USP15: variants seen among roughly 807,000 people sequenced by gnomAD.
The protein encoded by USP15 is ubiquitin specific peptidase 15.
Under a neutral mutation model 127.1 loss-of-function variants are expected in USP15, and 18 were observed. The ratio of observed to expected loss-of-function variants is 0.14; its 90% CI spans 0.10 to 0.21. USP15 has a LOEUF of 0.21. Ranked by LOEUF, USP15 falls within the 10% of genes least tolerant of loss-of-function variation. The pLI is 1.00. For synonymous variants in USP15, 364 were observed against 393.7 expected, an observed-to-expected ratio of 0.92 and a Z score of 0.89; for missense variants, 805 against 1,159.9, an observed-to-expected ratio of 0.69 and a Z score of 4.44.
intron 6 of USP15, among the ~76,000 whole-genome samples, chr12:62,345,980 G>A (rs971006237): frequency 2.6e-5 from 4 of 152,156 alleles, no homozygotes; most frequent in Admixed American, 2.6e-4. Flanking sequence ...AAAGCTACAA[G>A]ATGAGATTTG....
At chr12:62,271,700 A>AT (rs201752085) in intron 1 of USP15, among the ~76,000 whole-genome samples, 3,816 of 152,054 alleles carry the variant, frequency 0.025, 81 homozygotes, top group Non-Finnish European at 0.04. Flanking sequence ...TCACGCTTAT[A>AT]TGTCACATAT....
At chr12:62,276,215 T>G (rs2137071424) in intron 1 of USP15, among the ~76,000 whole-genome samples, 1 of 152,254 alleles carries the variant, frequency 6.6e-6, no homozygotes. Flanking sequence ...ACTTCATAAC[T>G]TCTTTACAGG....
In USP15 at chr12:62,404,958, AGTTATTTCCCTTT is replaced by A. The variant is rs1416560206; in HGVS notation, c.*586_*598del. The A allele has an allele frequency of 6.6e-6, 1 of 152,106 alleles. No homozygotes were observed. Among genetic ancestry groups the A allele is most frequent in the Non-Finnish European group, 1.5e-5 (1 of 67,988 alleles). 9.4% of individuals were successfully genotyped at this position (152,106 alleles called of 1,614,324 possible). A position where few individuals can be genotyped will look rare whatever the true frequency, so the allele number is the denominator to read the frequency against. On this transcript the variant is annotated 3_prime_UTR_variant, in exon 22 of 22. Coordinates refer to ENST00000280377, the MANE Select transcript of USP15 (RefSeq NM_001252078.2). Reference sequence around the variant, plus strand: ...ATGATACAAGAAACAACCTTGGAAAAGTTATTTCCCTTTGTAATACCTTTAAAAATCCAGAGTA... The same window carrying A: ...ATGATACAAGAAACAACCTTGGAAAAGTAATACCTTTAAAAATCCAGAGTA...
chr12:62,375,691 A>G (rs2066805833), intron 8 of USP15, among the ~76,000 whole-genome samples: 1 of 152,182 alleles, frequency 6.6e-6, no homozygotes, highest in African/African-American at 2.4e-5. Flanking sequence ...TAAGAAAGGC[A>G]AGAGTGCATG....
chr12:62,289,739 T>TGTGTGTGTG (rs2063903172), intron 1 of USP15, among the ~76,000 whole-genome samples: 3 of 65,314 alleles, frequency 4.6e-5, no homozygotes, highest in South Asian at 5.3e-4. Flanking sequence ...GTGTGTGTGT[T>TGTGTGTGTG]TAGACAGCAG....
chr12:62,403,419 TAGTGA>T (rs1376534480), intron 21 of USP15, among the ~76,000 whole-genome samples: 2 of 152,054 alleles, frequency 1.3e-5, no homozygotes, highest in African/African-American at 4.8e-5. Flanking sequence ...GGAAAAGAAA[TAGTGA>T]AGCATTAAAT....
In USP15 at chr12:62,412,929, A is replaced by T. The variant is rs562766515; in HGVS notation, c.*8554A>T. The T allele has an allele frequency of 2.0e-5, 3 of 152,340 alleles. No homozygotes were observed. In the South Asian group the frequency reaches 6.2e-4, roughly 32 times the overall value. The allele number at this position is 152,340 out of a possible 1,614,324, so 9.4% of individuals were successfully genotyped here. ...AGCAAATCCTTTTCAGAAGGTTTTT[A>T]TTTTGCCCAGATCCATCAGAGGAAT... On this transcript the variant is annotated 3_prime_UTR_variant, in exon 22 of 22. Coordinates refer to ENST00000280377, the MANE Select transcript of USP15 (RefSeq NM_001252078.2).
Position 62,410,995 on chromosome 12 carries a change from G to A in USP15, c.*6620G>A, listed in dbSNP as rs1428557315. 13 of 152,012 alleles carry A rather than the reference G, an allele frequency of 8.6e-5. No individual in the cohort carries two copies. Among genetic ancestry groups the A allele is most frequent in the Non-Finnish European group, 2.9e-5 (2 of 68,022 alleles). The allele number at this position is 152,012 out of a possible 1,614,324, so 9.4% of individuals were successfully genotyped here. On this transcript the variant is annotated 3_prime_UTR_variant, in exon 22 of 22. Coordinates refer to ENST00000280377, the MANE Select transcript of USP15 (RefSeq NM_001252078.2). ...GACTGCATCCTCAACAGGCACCTTG[G>A]TTGCAACACCATGAAAGACCTTGAT...
Position 62,385,780 on chromosome 12 carries a change from A to T in USP15, c.1473+1478A>T, listed in dbSNP as rs149654364. 2.5e-3 allele frequency among the ~76,000 whole-genome samples: 378 copies of T among 152,204 alleles called. 1 individual carries two copies. Among genetic ancestry groups the T allele is most frequent in the Non-Finnish European group, 4.1e-3 (276 of 67,934 alleles). Reference sequence around the variant, plus strand: ...AGAAACTATAACAGTGCCAAACCACATCCTTACCTCTCTAGTTTATAACTT... The same window carrying T: ...AGAAACTATAACAGTGCCAAACCACTTCCTTACCTCTCTAGTTTATAACTT... On this transcript the variant is annotated intron_variant, in intron 11 of 21. Transcript: ENST00000280377.
At chr12:62,316,696 A>G (rs1445818207) in intron 4 of USP15, among the ~76,000 whole-genome samples, 1 of 152,108 alleles carries the variant, frequency 6.6e-6, no homozygotes, top group African/African-American at 2.4e-5. Context: ...ATATGAGACC[A>G]TCAGAGATAT....
chr12:62,393,978 T>G (rs758256582), intron 19 of USP15: 7 of 152,256 alleles, frequency 4.6e-5, no homozygotes, highest in Non-Finnish European at 8.8e-5. Context: ...TATTGCATTA[T>G]CCTTCAGTTT....
intron 11 of USP15, among the ~76,000 whole-genome samples, chr12:62,388,145 T>C (rs1238650734): frequency 7.6e-6 from 1 of 130,880 alleles, no homozygotes; most frequent in African/African-American, 2.8e-5. Flanking sequence ...TTTTTTTTGT[T>C]AATGAGACAG....
At chr12:62,321,701 A>G in intron 5 of USP15, 92 bp downstream of exon 5, 4 of 1,080,802 alleles carry the variant, frequency 3.7e-6, no homozygotes, top group Non-Finnish European at 4.9e-6. Context: ...AATGGGCTGT[A>G]CTGTTTCTGG....
Position 62,263,511 on chromosome 12 carries a change from T to C in USP15, c.89+3008T>C, listed in dbSNP as rs2063120469. 2.6e-5 allele frequency among the ~76,000 whole-genome samples: 4 copies of C among 152,216 alleles called. No homozygotes were observed. The South Asian group carries it at 8.3e-4, about 31-fold the overall frequency. ...AAGTACTACAGTTTCTCTTTATTTG[T>C]AAGCAGTGAATGATTTTTATCTAAA... On this transcript the variant is annotated intron_variant, in intron 1 of 21. Transcript: ENST00000280377.
chr12:62,396,245 A>C, intron 19 of USP15, 50 bp from the exon 20 acceptor site: 3 of 1,452,562 alleles, frequency 2.1e-6, no homozygotes, highest in Non-Finnish European at 2.8e-6. Context: ...AATAGAATTC[A>C]TTGCATTTAG....
At chr12:62,395,733 A>G (rs1456159659) in intron 19 of USP15, among the ~76,000 whole-genome samples, 1 of 151,650 alleles carries the variant, frequency 6.6e-6, no homozygotes, top group Admixed American at 6.6e-5. Flanking sequence ...AGATCCCACA[A>G]ATGAGAACAT....
chr12:62,379,300 G>A (rs1048620033), intron 8 of USP15, among the ~76,000 whole-genome samples: 27 of 151,876 alleles, frequency 1.8e-4, no homozygotes, highest in Non-Finnish European at 3.4e-4. Context: ...AATAAAGCTG[G>A]AACAGTTGAA....
At chr12:62,333,830 T>G (rs2065374654) in intron 6 of USP15, among the ~76,000 whole-genome samples, 1 of 152,036 alleles carries the variant, frequency 6.6e-6, no homozygotes, top group Admixed American at 6.6e-5. Flanking sequence ...CATATATAAA[T>G]TATCTAACCA....
At chr12:62,345,981 A>G (rs149104399) in intron 6 of USP15, among the ~76,000 whole-genome samples, 2 of 152,212 alleles carry the variant, frequency 1.3e-5, no homozygotes, top group African/African-American at 4.8e-5. Flanking sequence ...AAGCTACAAG[A>G]TGAGATTTGG....
Sources: gnomAD v4.1 joint callset for allele counts (sites outside exome capture counted in the v4.1 genomes callset) on GRCh38, gnomAD v4.1.1 for gene constraint, MANE v1.5 for transcripts, NCBI Gene and HGNC (gene_info 2026-07-23, HGNC 2026-07-21) for gene names.